The following MYO6 variants were observed in gnomAD, a reference collection of about 807,000 sequenced individuals.
MYO6 encodes myosin VI, also known as unconventional myosin-VI.
A neutral mutation model predicts 178.7 loss-of-function variants in MYO6; 74 were observed. The ratio of observed to expected loss-of-function variants is 0.41; its 90% CI spans 0.34 to 0.50. The LOEUF is 0.50. Ranked by LOEUF, MYO6 falls within the 20% of genes least tolerant of loss-of-function variation. The pLI is 0.09. For synonymous variants in MYO6, 477 were observed against 504.6 expected, an observed-to-expected ratio of 0.95 and a Z score of 0.73; for missense variants, 1,330 against 1,547.4, an observed-to-expected ratio of 0.86 and a Z score of 2.36.
At chr6:75,885,556 C>G (rs1234765184) in intron 23 of MYO6, among the ~76,000 whole-genome samples, 2 of 152,108 alleles carry the variant, frequency 1.3e-5, no homozygotes, top group Admixed American at 6.5e-5. Context: ...TCACGCCATT[C>G]TCCTGCCTCA....
At position 75,862,602 on chromosome 6, in the gene MYO6, T is replaced by C. The variant is rs1404866829; in HGVS notation, c.1553T>C (p.Ile518Thr). The C allele has an allele frequency of 2.5e-6, 4 of 1,613,256 alleles. No individual in the cohort carries two copies. Among genetic ancestry groups the C allele is most frequent in the East Asian group, 2.2e-5 (1 of 44,872 alleles). The change falls in exon 16 of 35, where the codon ATT becomes ACT. Residue 518 changes from isoleucine to threonine, a missense_variant. This residue lies in a region of MYO6 where 613 missense variants were observed against 816.8 expected (regional missense o/e 0.75). Transcript: ENST00000369977. ...YVDNQDCIDL[I>T]EAKLVGILDI... ...TTTTCATTTTTTGAAATAGATTTAA[T>C]TGAAGCCAAATTAGTGGGAATACTG... is the stretch of plus-strand genomic sequence containing the variant.
chr6:75,872,157 GAATA>G lies in MYO6; in HGVS notation c.1984-1039_1984-1036del, dbSNP rs905853625. On this transcript the variant is annotated intron_variant, in intron 19 of 34. Coordinates refer to ENST00000369977, the MANE Select transcript of MYO6 (RefSeq NM_004999.4). ...AATAAAAATAAAAATAAAAATAAAT[GAATA>G]AATAAATAAAAGTGTTTGTAGGGAG... 4.0e-5 allele frequency among the ~76,000 whole-genome samples: 6 copies of G among 151,432 alleles called. No individual in the cohort carries two copies. The South Asian group carries it at 1.0e-3, about 26-fold the overall frequency.
At chr6:75,821,646 C>G (rs1051716036) in intron 2 of MYO6, among the ~76,000 whole-genome samples, 1 of 130,286 alleles carries the variant, frequency 7.7e-6, no homozygotes, top group Non-Finnish European at 1.7e-5. Flanking sequence ...CACAAACACA[C>G]ACACACACAC....
At chr6:75,882,882 C>G (rs1778156907) in intron 23 of MYO6, among the ~76,000 whole-genome samples, 1 of 152,000 alleles carries the variant, frequency 6.6e-6, no homozygotes, top group African/African-American at 2.4e-5. Flanking sequence ...AATTGTGCAC[C>G]CAGCTTTGTT....
chr6:75,792,507 A>G lies in MYO6; in HGVS notation c.-47-24994A>G, dbSNP rs567652015. Among the ~76,000 whole-genome samples, 16 of 152,306 alleles carry G rather than the reference A, an allele frequency of 1.1e-4. No individual in the cohort carries two copies. The East Asian group carries it at 2.9e-3, about 28-fold the overall frequency. On this transcript the variant is annotated intron_variant, in intron 1 of 34. Transcript: ENST00000369977. ...AACAACAGTGTTTTCTCTCTGGCTT[A>G]TTTAGAGTGGTAGAGCTTCTTTGAC...
intron 14 of MYO6, among the ~76,000 whole-genome samples, chr6:75,860,770 A>G (rs1776133321): frequency 6.6e-6 from 1 of 152,220 alleles, no homozygotes; most frequent in Admixed American, 6.5e-5. Context: ...TATTTTCCCC[A>G]AGTGATGTAT....
intron 27 of MYO6, among the ~76,000 whole-genome samples, chr6:75,891,980 T>C (rs538460920): frequency 6.8e-6 from 1 of 146,510 alleles, no homozygotes; most frequent in East Asian, 2.1e-4. Context: ...ATTGTTTTTA[T>C]ACCTAGGGGA....
chr6:75,882,587 A>G (rs1778129311), intron 23 of MYO6, among the ~76,000 whole-genome samples: 1 of 152,154 alleles, frequency 6.6e-6, no homozygotes, highest in Non-Finnish European at 1.5e-5. Flanking sequence ...AAAAGATGAA[A>G]GTCCCAAAAC....
intron 28 of MYO6, among the ~76,000 whole-genome samples, chr6:75,893,092 T>C (rs937048114): frequency 2.0e-5 from 3 of 152,118 alleles, no homozygotes; most frequent in African/African-American, 7.2e-5. Context: ...GAGATTTTTC[T>C]AATGCAAAAA....
intron 23 of MYO6, 58 bp from the exon 24 acceptor site, chr6:75,885,944 AAT>A: frequency 1.0e-6 from 1 of 999,800 alleles, no homozygotes; most frequent in African/African-American, 1.6e-5. Flanking sequence ...GAGTTTTTTT[AAT>A]ATATGTTAGA....
chr6:75,777,238 G>C (rs1766481061), intron 1 of MYO6, among the ~76,000 whole-genome samples: 1 of 152,110 alleles, frequency 6.6e-6, no homozygotes, highest in Admixed American at 6.6e-5. Context: ...ATTTACGCTT[G>C]TGTCTTCAGG....
chr6:75,754,576 A>G (rs796102736), intron 1 of MYO6, among the ~76,000 whole-genome samples: 84 of 150,640 alleles, frequency 5.6e-4, no homozygotes, highest in African/African-American at 1.9e-3. Context: ...TTACAAGGTA[A>G]TATATTTTCT....
rs1778047115 is a variant in MYO6, at chr6:75,881,747, A to C, written c.2345A>C (p.Lys782Thr). Reference sequence around the variant, plus strand: ...CCTGACCACTTAGCAGAGTTGGTTAAAAGAGTCAATCACTGGCTCACATGC... The same window carrying C: ...CCTGACCACTTAGCAGAGTTGGTTACAAGAGTCAATCACTGGCTCACATGC... The part of the protein sequence containing the change: ...SDPDHLAELV[K>T]RVNHWLTCSR... Residue 782 changes from lysine to threonine, a missense_variant, in exon 23 of 35, where the codon AAA (lysine) becomes ACA (threonine). Around this residue, in one of 3 missense-constraint regions of MYO6, gnomAD observed 601 missense variants for 626.1 expected, o/e 0.96. Transcript: ENST00000369977. 6.2e-7 allele frequency: 1 copy of C among 1,613,932 alleles called. No homozygotes were observed. Among genetic ancestry groups the C allele is most frequent in the Non-Finnish European group, 8.5e-7 (1 of 1,179,934 alleles).
intron 1 of MYO6, among the ~76,000 whole-genome samples, chr6:75,797,978 C>T (rs944843132): frequency 6.6e-6 from 1 of 152,122 alleles, no homozygotes; most frequent in Non-Finnish European, 1.5e-5. Flanking sequence ...TTATTAAAAG[C>T]CATTTAATTA....
intron 1 of MYO6, among the ~76,000 whole-genome samples, chr6:75,769,717 C>T (rs1052593925): frequency 7.2e-5 from 11 of 152,146 alleles, no homozygotes; most frequent in South Asian, 2.1e-4. Flanking sequence ...CTGGCTAACA[C>T]GGTGAAACCC....
In MYO6 at chr6:75,757,893, T is replaced by G. The variant is rs534230311; in HGVS notation, c.-48+8470T>G. Among the ~76,000 whole-genome samples, 10 of 152,100 alleles carry G rather than the reference T, an allele frequency of 6.6e-5. 1 individual carries two copies. The South Asian group carries it at 1.2e-3, about 19-fold the overall frequency. ...TTATTGTTGTTACTGTGTTTTTTTT[T>G]GTCATGTTTAATGTGGAATTTTCAT... On this transcript the variant is annotated intron_variant, in intron 1 of 34. Coordinates refer to ENST00000369977, the MANE Select transcript of MYO6 (RefSeq NM_004999.4).
chr6:75,869,557 A>G (rs1040330942), intron 18 of MYO6, among the ~76,000 whole-genome samples: 5 of 152,178 alleles, frequency 3.3e-5, no homozygotes, highest in African/African-American at 9.7e-5. Context: ...GATTAATACA[A>G]TGTTAGTTTA....
At chr6:75,876,533 A>T (rs1230945926) in intron 20 of MYO6, among the ~76,000 whole-genome samples, 1 of 152,180 alleles carries the variant, frequency 6.6e-6, no homozygotes, top group African/African-American at 2.4e-5. Flanking sequence ...TTTTTTCCCC[A>T]TTGGAATTCC....
At chr6:75,861,393 AT>A (rs1336689224) in intron 15 of MYO6, among the ~76,000 whole-genome samples, 4 of 152,236 alleles carry the variant, frequency 2.6e-5, no homozygotes, top group Non-Finnish European at 5.9e-5. Context: ...CAGTAAAGAC[AT>A]TTATTCACCT....
Sources: gnomAD v4.1 joint callset for allele counts (sites outside exome capture counted in the v4.1 genomes callset) on GRCh38, gnomAD v4.1.1 for gene constraint, gnomAD v4.1.1 regional missense constraint, MANE v1.5 for transcripts, NCBI Gene and HGNC (gene_info 2026-07-23, HGNC 2026-07-21) for gene names.